The following PLCB1 variants were observed in gnomAD, a reference collection of about 807,000 sequenced individuals.
PLCB1 encodes phospholipase C beta 1.
Under a neutral mutation model 161.8 loss-of-function variants are expected in PLCB1, and 46 were observed. The ratio of observed to expected loss-of-function variants is 0.28; its 90% CI spans 0.22 to 0.36. PLCB1 has a LOEUF of 0.36. Ranked by LOEUF, PLCB1 falls within the 10% of genes least tolerant of loss-of-function variation. The pLI, the probability that PLCB1 is intolerant of heterozygous loss-of-function variation, is 1.00. For synonymous variants in PLCB1, 517 were observed against 503.7 expected, an observed-to-expected ratio of 1.03 and a Z score of -0.35; for missense variants, 1,016 against 1,472.5, an observed-to-expected ratio of 0.69 and a Z score of 5.07.
chr20:8,463,250 T>G (rs1403896399), intron 3 of PLCB1, among the ~76,000 whole-genome samples: 1 of 151,764 alleles, frequency 6.6e-6, no homozygotes, highest in Non-Finnish European at 1.5e-5. Flanking sequence ...ATATTTATAA[T>G]GCCTCTCAAA....
intron 1 of PLCB1, among the ~76,000 whole-genome samples, chr20:8,143,782 A>G (rs1037175781): frequency 5.3e-5 from 8 of 152,222 alleles, no homozygotes; most frequent in Non-Finnish European, 1.0e-4. Flanking sequence ...TTGGATGGCA[A>G]GGGCCTGCAT....
At chr20:8,381,800 C>T (rs1386387598) in intron 3 of PLCB1, among the ~76,000 whole-genome samples, 1 of 152,112 alleles carries the variant, frequency 6.6e-6, no homozygotes. Flanking sequence ...TCCCCTTTAT[C>T]ATTTTTTAGT....
chr20:8,783,967 G>T (rs1034353871), intron 27 of PLCB1, among the ~76,000 whole-genome samples: 1 of 152,062 alleles, frequency 6.6e-6, no homozygotes, highest in African/African-American at 2.4e-5. Flanking sequence ...GAAGCATGTG[G>T]GTGAGGCCAT....
At chr20:8,716,015 T>G in intron 12 of PLCB1, 1 of 422,020 alleles carries the variant, frequency 2.4e-6, no homozygotes, top group Non-Finnish European at 4.2e-6. Context: ...TGACATGCTG[T>G]CCCCTCCACC....
intron 31 of PLCB1, among the ~76,000 whole-genome samples, chr20:8,821,603 A>G: frequency 6.9e-6 from 1 of 145,248 alleles, no homozygotes. Context: ...TAGTTATGAT[A>G]TATCAGTTTA....
chr20:8,223,443 G>GT (rs751782840), intron 2 of PLCB1, among the ~76,000 whole-genome samples: 73 of 151,978 alleles, frequency 4.8e-4, no homozygotes, highest in Admixed American at 3.6e-3. Context: ...TGACTTTTTA[G>GT]TTTTTTTTCT....
chr20:8,239,594 A>C (rs889515516), intron 2 of PLCB1, among the ~76,000 whole-genome samples: 19 of 141,416 alleles, frequency 1.3e-4, no homozygotes, highest in African/African-American at 4.2e-4. Context: ...TCTGGTACTT[A>C]AAAAAAAAAA....
intron 3 of PLCB1, among the ~76,000 whole-genome samples, chr20:8,579,391 C>A (rs973379737): frequency 6.6e-6 from 1 of 152,206 alleles, no homozygotes; most frequent in Non-Finnish European, 1.5e-5. Context: ...TACCTTCACA[C>A]ATGTGAGCAG....
At chr20:8,854,865 C>A (rs999647312) in intron 31 of PLCB1, among the ~76,000 whole-genome samples, 4 of 152,204 alleles carry the variant, frequency 2.6e-5, no homozygotes, top group African/African-American at 9.7e-5. Context: ...AAGACTCCTT[C>A]GTGCTTCAGC....
At chr20:8,312,971 A>G (rs143392960) in intron 2 of PLCB1, among the ~76,000 whole-genome samples, 3 of 152,300 alleles carry the variant, frequency 2.0e-5, no homozygotes, top group Admixed American at 1.3e-4. Flanking sequence ...CTGTGCATTT[A>G]CTTATGTTGA....
chr20:8,197,011 C>T (rs1265037942), intron 2 of PLCB1, among the ~76,000 whole-genome samples: 17 of 152,110 alleles, frequency 1.1e-4, no homozygotes, highest in South Asian at 1.0e-3. Flanking sequence ...TCATTTTTTA[C>T]GGCTGCATAG....
At chr20:8,294,471 T>C (rs1182342064) in intron 2 of PLCB1, among the ~76,000 whole-genome samples, 1 of 152,094 alleles carries the variant, frequency 6.6e-6, no homozygotes, top group East Asian at 1.9e-4. Context: ...TTTATATGCA[T>C]ATATATACAC....
rs543783694 is a variant in PLCB1, at chr20:8,802,155, C to G, written c.3423+11894C>G. The G allele has an allele frequency of 3.1e-6, 5 of 1,603,516 alleles. No individual in the cohort carries two copies. In the Admixed American group the frequency reaches 5.0e-5, roughly 16 times the overall value. On this transcript the variant is annotated intron_variant, in intron 31 of 31. Transcript: ENST00000338037. ...CAACCCTCAAGCTCTCAAGTGGTGACCACCGTCCTTCCGGCCAGGTAGGAC... is the reference window on the plus strand; with the variant it reads ...CAACCCTCAAGCTCTCAAGTGGTGAGCACCGTCCTTCCGGCCAGGTAGGAC...
intron 3 of PLCB1, among the ~76,000 whole-genome samples, chr20:8,465,879 C>A (rs1981798930): frequency 6.6e-6 from 1 of 150,938 alleles, no homozygotes; most frequent in African/African-American, 2.4e-5. Flanking sequence ...GTTGGTGGGA[C>A]TGTAAACTAG....
At chr20:8,684,615 A>G (rs533421864) in intron 9 of PLCB1, among the ~76,000 whole-genome samples, 7 of 152,200 alleles carry the variant, frequency 4.6e-5, no homozygotes, top group Non-Finnish European at 8.8e-5. Flanking sequence ...TCTATTACAC[A>G]GAGATAAGCA....
In PLCB1 at chr20:8,501,864, CATATATATATAT is replaced by C. The variant is rs36226867; in HGVS notation, c.247-126389_247-126378del. Among the ~76,000 whole-genome samples the C allele has an allele frequency of 2.9e-3, 303 of 104,604 alleles. 2 individuals carry two copies. The highest frequency in any genetic ancestry group is 0.016 in the South Asian group (39 of 2,438). The allele number at this position is 104,604 out of a possible 152,430, so 68.6% of individuals were successfully genotyped here. A position where few individuals can be genotyped will look rare whatever the true frequency, so the allele number is the denominator to read the frequency against. The stretch of plus-strand genomic sequence containing the variant: ...TATTTTTTTTAAAAAAGATATATCG[CATATATATATAT>C]ATATATATATATATATATATATATA... On this transcript the variant is annotated intron_variant, in intron 3 of 31. Coordinates refer to ENST00000338037, the MANE Select transcript of PLCB1 (RefSeq NM_015192.4).
chr20:8,187,135 T>A (rs539848952), intron 2 of PLCB1, among the ~76,000 whole-genome samples: 6 of 152,278 alleles, frequency 3.9e-5, no homozygotes, highest in African/African-American at 1.4e-4. Context: ...AGGTGAATTA[T>A]CACCTAGTCT....
intron 11 of PLCB1, among the ~76,000 whole-genome samples, chr20:8,707,170 C>T (rs1016515621): frequency 2.0e-5 from 3 of 152,150 alleles, no homozygotes; most frequent in African/African-American, 7.2e-5. Context: ...ATTCTTCTCG[C>T]TCCATGCAGG....
At chr20:8,627,311 C>T (rs575900701) in intron 3 of PLCB1, among the ~76,000 whole-genome samples, 24 of 152,228 alleles carry the variant, frequency 1.6e-4, no homozygotes, top group African/African-American at 5.8e-4. Flanking sequence ...TTTTTTTAAA[C>T]ATCTACTATT....
Sources: gnomAD v4.1 joint callset for allele counts (sites outside exome capture counted in the v4.1 genomes callset) on GRCh38, gnomAD v4.1.1 for gene constraint, MANE v1.5 for transcripts, NCBI Gene and HGNC (gene_info 2026-07-23, HGNC 2026-07-21) for gene names.